The following GLB1 variants were observed in gnomAD, a reference collection of about 807,000 sequenced individuals.
The protein encoded by GLB1 is galactosidase beta 1.
Under a neutral mutation model 74.0 loss-of-function variants are expected in GLB1, and 56 were observed. The observed-to-expected ratio is 0.76, with a 90% CI of 0.61 to 0.94. GLB1 has a LOEUF of 0.94. Ranked by LOEUF, GLB1 falls within the 40% of genes least tolerant of loss-of-function variation. The pLI, the probability that GLB1 is intolerant of heterozygous loss-of-function variation, is 0.00. For missense variants in GLB1, 787 were observed against 845.5 expected, an observed-to-expected ratio of 0.93 and a Z score of 0.86; for synonymous variants, 323 against 323.6, an observed-to-expected ratio of 1.00 and a Z score of 0.02.
intron 1 of GLB1, chr3:33,092,673 C>T: frequency 7.1e-7 from 1 of 1,406,946 alleles, no homozygotes; most frequent in East Asian, 2.5e-5. Context: ...ACATGCCAGG[C>T]AGGCCCACCA....
the GLB1 span, among the ~76,000 whole-genome samples, chr3:32,972,436 T>C: frequency 6.6e-6 from 1 of 152,294 alleles, no homozygotes; most frequent in Admixed American, 6.5e-5. Flanking sequence ...AGTTCAGACT[T>C]GGTCCAGGTG....
chr3:33,093,638 C>A lies in GLB1; in HGVS notation c.75+3373G>T. On this transcript the variant is annotated intron_variant, in intron 1 of 15. Coordinates refer to ENST00000307363, the MANE Select transcript of GLB1 (RefSeq NM_000404.4). The surrounding 1 kb of genome is among the most constrained non-coding windows in gnomAD (Gnocchi z 6.0). ...CCTCCACAGTTTTCACAGCCGGGGG[C>A]TGCGCGGCATTCAGAATCCCGGCCA... 6.2e-7 allele frequency: 1 copy of A among 1,614,202 alleles called. No homozygotes were observed. The highest frequency in any genetic ancestry group is 8.5e-7 in the Non-Finnish European group (1 of 1,180,036).
intron 1 of GLB1, among the ~76,000 whole-genome samples, chr3:33,083,964 T>G (rs184138739): frequency 1.3e-5 from 2 of 152,328 alleles, no homozygotes; most frequent in African/African-American, 4.8e-5. Context: ...ATTCCTTGAC[T>G]ACAGAAATAA....
At chr3:32,991,515 T>C in the GLB1 span, among the ~76,000 whole-genome samples, 1 of 152,226 alleles carries the variant, frequency 6.6e-6, no homozygotes, top group Non-Finnish European at 1.5e-5. Flanking sequence ...CCCTTGAATC[T>C]GGGTTATGAC....
At chr3:33,039,715 A>C (rs1454560131) in intron 10 of GLB1, among the ~76,000 whole-genome samples, 1 of 152,242 alleles carries the variant, frequency 6.6e-6, no homozygotes, top group Non-Finnish European at 1.5e-5. Flanking sequence ...TGGATGAGAT[A>C]ACAGCCAAGA....
intron 10 of GLB1, among the ~76,000 whole-genome samples, chr3:33,039,583 G>A (rs9851902): frequency 0.022 from 3,286 of 152,168 alleles, 100 homozygotes; most frequent in East Asian, 0.073. Context: ...AAATATGTTC[G>A]GGGGAAAGGA....
rs1472569533 is a variant in GLB1 at position 33,093,207 on chromosome 3, C to G, written c.75+3804G>C. On this transcript the variant is annotated intron_variant, in intron 1 of 15. Transcript: ENST00000307363. The surrounding 1 kb of genome is among the most constrained non-coding windows in gnomAD (Gnocchi z 6.0). ...TTCAATATCGTCCACCCCAGCCAAG[C>G]AGATCCAGTCCTCATCCTCACTCCC... 1 of 1,613,744 alleles carries G rather than the reference C, an allele frequency of 6.2e-7. No homozygotes were observed. Among genetic ancestry groups the G allele is most frequent in the African/African-American group, 1.3e-5 (1 of 74,724 alleles).
downstream of GLB1, among the ~76,000 whole-genome samples, chr3:32,994,272 C>T (rs529733830): frequency 6.6e-6 from 1 of 152,290 alleles, no homozygotes; most frequent in East Asian, 1.9e-4. Flanking sequence ...GAACATGCTA[C>T]AACATGGAAC....
chr3:33,013,998 G>T (rs1393435636), intron 15 of GLB1, 58 bp downstream of exon 15: 1 of 1,613,360 alleles, frequency 6.2e-7, no homozygotes, highest in East Asian at 2.2e-5. Flanking sequence ...TTCTTTCTCA[G>T]ACACTAACAA....
At position 33,093,853 on chromosome 3, in the gene GLB1, A is replaced by G; in HGVS notation, c.75+3158T>C. ...CCCAGGCAGGAGTAGGCCGCCAAGG[A>G]AAAGAGATAGGGCTCTTCGGCCACT... On this transcript the variant is annotated intron_variant, in intron 1 of 15. Transcript: ENST00000307363. This position sits in a 1 kb window ranked among gnomAD's most constrained non-coding sequence, Gnocchi z 6.0. 5 of 1,613,758 alleles carry G rather than the reference A, an allele frequency of 3.1e-6. No individual in the cohort carries two copies. The highest frequency in any genetic ancestry group is 1.1e-5 in the South Asian group (1 of 91,018).
chr3:33,077,121 A>G (rs1162089670), intron 1 of GLB1: 1 of 1,423,426 alleles, frequency 7.0e-7, no homozygotes, highest in East Asian at 3.2e-5. Context: ...TTCTTCTCCC[A>G]CTCCTGTTGC....
intron 10 of GLB1, among the ~76,000 whole-genome samples, chr3:33,028,771 T>C (rs1306338426): frequency 6.6e-6 from 1 of 152,062 alleles, no homozygotes; most frequent in African/African-American, 2.4e-5. Context: ...GTTCCAGCGA[T>C]TCTCCTGCCT....
intron 1 of GLB1, chr3:33,091,090 G>C (rs921103323): frequency 2.0e-6 from 2 of 985,290 alleles, no homozygotes; most frequent in Admixed American, 1.2e-4. Context: ...AGCCCACCTG[G>C]TGAAATCCAA....
chr3:33,065,785 T>G (rs915513666), intron 4 of GLB1, among the ~76,000 whole-genome samples: 1 of 151,920 alleles, frequency 6.6e-6, no homozygotes, highest in Non-Finnish European at 1.5e-5. Context: ...CTGACCAACA[T>G]GGAGAAACCC....
chr3:33,034,951 C>A (rs1698207210), intron 10 of GLB1: 2 of 242,598 alleles, frequency 8.2e-6, no homozygotes, highest in Non-Finnish European at 8.5e-6. Context: ...AAATGATGTT[C>A]AAATCTATTA....
At chr3:33,073,187 C>G (rs896048312) in intron 1 of GLB1, among the ~76,000 whole-genome samples, 4 of 152,254 alleles carry the variant, frequency 2.6e-5, no homozygotes, top group Admixed American at 2.0e-4. Flanking sequence ...ACTCCAGAGC[C>G]TGACGCCCCA....
intron 15 of GLB1, among the ~76,000 whole-genome samples, chr3:33,009,506 G>A (rs1696934015): frequency 6.6e-6 from 1 of 152,026 alleles, no homozygotes; most frequent in African/African-American, 2.4e-5. Context: ...TGGGTGACAA[G>A]AGCAAGACTG....
chr3:33,065,178 T>C (rs1239734718), intron 5 of GLB1, among the ~76,000 whole-genome samples: 1 of 152,136 alleles, frequency 6.6e-6, no homozygotes, highest in Non-Finnish European at 1.5e-5. Context: ...TGGGTGACCT[T>C]AGCCAAGTCA....
At chr3:32,963,196 CTATT>C in the GLB1 span, among the ~76,000 whole-genome samples, 154 of 152,058 alleles carry the variant, frequency 1.0e-3, no homozygotes, top group African/African-American at 3.5e-3. Flanking sequence ...ATACAATAAA[CTATT>C]TATTCAGAAG....
Sources: gnomAD v4.1 joint callset for allele counts (sites outside exome capture counted in the v4.1 genomes callset) on GRCh38, gnomAD v4.1.1 for gene constraint, Gnocchi (gnomAD v3.1) non-coding constraint, MANE v1.5 for transcripts, NCBI Gene and HGNC (gene_info 2026-07-23, HGNC 2026-07-21) for gene names.